MROH7: variants seen among roughly 807,000 people sequenced by gnomAD.
The protein encoded by MROH7 is maestro heat like repeat family member 7.
A neutral mutation model predicts 129.2 loss-of-function variants in MROH7; 113 were observed. The observed-to-expected ratio is 0.87, with a 90% CI of 0.75 to 1.02. The LOEUF (loss-of-function observed/expected upper bound fraction) is 1.02, where lower values mean the gene tolerates loss of function less well. MROH7 is among the 50% of genes least tolerant of loss of function. The probability of loss-of-function intolerance (pLI) is 0.00; values close to 1 mark genes in which losing one functional copy is unlikely to be tolerated. For missense variants in MROH7, 1,601 were observed against 1,671.3 expected (o/e 0.96, Z 0.73); for synonymous variants, 655 against 667.9 (o/e 0.98, Z 0.30).
At chr1:54,671,051 C>A in intron 7 of MROH7, 122 bp downstream of exon 7, 1 of 1,109,024 alleles carries the variant, frequency 9.0e-7, no homozygotes, top group Non-Finnish European at 1.3e-6. Context: ...TTCTGTTGGT[C>A]TGAGTAGGTA....
At chr1:54,671,265 C>G (rs2659484) in intron 7 of MROH7, among the ~76,000 whole-genome samples, 2 of 151,860 alleles carry the variant, frequency 1.3e-5, no homozygotes, top group African/African-American at 2.4e-5. Flanking sequence ...CCGGGCGTGG[C>G]AGCGGGCGCC....
intron 3 of MROH7, among the ~76,000 whole-genome samples, chr1:54,662,853 T>C (rs764250702): frequency 3.3e-5 from 5 of 152,222 alleles, no homozygotes; most frequent in East Asian, 1.9e-4. Flanking sequence ...TTGACTTTCT[T>C]GTCCTTGATA....
Position 54,702,625 on chromosome 1 carries a change from GT to G in MROH7, c.3445del (p.Cys1149ValfsTer2). The G allele has an allele frequency of 6.2e-7, 1 of 1,605,954 alleles. No individual in the cohort carries two copies. Among genetic ancestry groups the G allele is most frequent in the Non-Finnish European group, 8.5e-7 (1 of 1,176,016 alleles). On this transcript the variant is annotated frameshift_variant, in exon 21 of 24. Transcript: ENST00000421030. LOFTEE classifies it high-confidence loss of function. ...QEGNSKVSQK[C>X]VKTLLRCSYF... is the part of the protein sequence containing the mutation. ...ATTTTCTTCCTATTGGTTCCCAGAA[GT>G]GTGTGAAGACCCTGTTACGCTGTTC...
chr1:54,671,290 C>G (rs998883687), intron 7 of MROH7, among the ~76,000 whole-genome samples: 4 of 152,132 alleles, frequency 2.6e-5, no homozygotes, highest in African/African-American at 9.7e-5. Context: ...GGCCCAGCAA[C>G]TCAGGAGGCT....
intron 15 of MROH7, 55 bp from the exon 16 acceptor site, chr1:54,692,369 C>T: frequency 1.9e-6 from 3 of 1,600,852 alleles, no homozygotes; most frequent in South Asian, 1.1e-5. Context: ...TGGAGGGAGG[C>T]TTGGCCTGCT....
At chr1:54,679,553 C>T in intron 12 of MROH7, 114 bp downstream of exon 12, 1 of 1,199,614 alleles carries the variant, frequency 8.3e-7, no homozygotes, top group Non-Finnish European at 1.2e-6. Flanking sequence ...TACCTGAACC[C>T]CCTAAGCCAT....
At chr1:54,647,904 C>CAAAAAA (rs35151019) in intron 1 of MROH7, among the ~76,000 whole-genome samples, 14 of 87,096 alleles carry the variant, frequency 1.6e-4, no homozygotes, top group East Asian at 4.2e-4. Flanking sequence ...GACTCCATCT[C>CAAAAAA]AAAAAAAAAA....
chr1:54,692,504 G>T lies in MROH7; in HGVS notation c.2792G>T (p.Gly931Val). Reference protein sequence around the residue: ...YETTFLEDQGGWELMEQVESH... With the variant: ...YETTFLEDQGVWELMEQVESH... ...ACCACGTTTCTGGAGGACCAGGGTG[G>T]CTGGGAGCTCATGGAGCAGGTGGAG... The change falls in exon 16 of 24, where the codon GGC becomes GTC. Residue 931 changes from glycine (G) to valine (V), a missense_variant. Coordinates refer to ENST00000421030, the MANE Select transcript of MROH7 (RefSeq NM_001039464.4). The T allele has an allele frequency of 1.9e-6, 3 of 1,614,118 alleles. No homozygotes were observed. The highest frequency in any genetic ancestry group is 1.1e-5 in the South Asian group (1 of 91,086).
In MROH7 at chr1:54,703,543, A is replaced by G. The variant is rs1645473134; in HGVS notation, c.3564+798A>G. The stretch of plus-strand genomic sequence containing the variant: ...TGAGGAAATGTGTTCATGGTTCTTC[A>G]TATAATAGTTTCCCAAACTTATTTA... On this transcript the variant is annotated intron_variant, in intron 21 of 23. Coordinates refer to ENST00000421030, the MANE Select transcript of MROH7 (RefSeq NM_001039464.4). This position sits in a 1 kb window ranked among gnomAD's most constrained non-coding sequence, Gnocchi z 4.4. 1.3e-5 allele frequency among the ~76,000 whole-genome samples: 2 copies of G among 151,862 alleles called. No homozygotes were observed. The highest frequency in any genetic ancestry group is 4.2e-4 in the South Asian group (2 of 4,806).
At chr1:54,683,383 G>A (rs988675453) in intron 14 of MROH7, among the ~76,000 whole-genome samples, 1 of 152,162 alleles carries the variant, frequency 6.6e-6, no homozygotes, top group South Asian at 2.1e-4. Flanking sequence ...AACACAGAGC[G>A]AAAGGCAGCT....
intron 1 of MROH7, among the ~76,000 whole-genome samples, chr1:54,649,958 T>G (rs1191427062): frequency 2.6e-5 from 4 of 152,248 alleles, no homozygotes; most frequent in African/African-American, 9.6e-5. Flanking sequence ...CCAAGGCAGA[T>G]GCAAAGCTGT....
chr1:54,643,539 G>A (rs1270167563), intron 1 of MROH7, among the ~76,000 whole-genome samples: 8 of 152,108 alleles, frequency 5.3e-5, no homozygotes, highest in Admixed American at 1.3e-4. Flanking sequence ...CTTCACTCCT[G>A]GCCTGTCCAC....
intron 1 of MROH7, among the ~76,000 whole-genome samples, chr1:54,650,726 AT>A (rs60505412): frequency 0.013 from 1,832 of 137,222 alleles, 18 homozygotes; most frequent in African/African-American, 0.033. Flanking sequence ...CGCCATCCCG[AT>A]TTTTTTTTTT....
chr1:54,704,614 T>C (rs11587352), intron 21 of MROH7, among the ~76,000 whole-genome samples: 1 of 151,014 alleles, frequency 6.6e-6, no homozygotes, highest in African/African-American at 2.4e-5. Context: ...ATTTTTTTTT[T>C]GTATTTATAG....
At chr1:54,667,836 G>A (rs1644836727) in intron 4 of MROH7, among the ~76,000 whole-genome samples, 1 of 152,086 alleles carries the variant, frequency 6.6e-6, no homozygotes, top group Non-Finnish European at 1.5e-5. Flanking sequence ...TGTAGTCCTA[G>A]CTACTCAGAA....
chr1:54,670,659 C>CG, intron 6 of MROH7, 83 bp downstream of exon 6: 23 of 1,337,314 alleles, frequency 1.7e-5, no homozygotes, highest in Non-Finnish European at 2.3e-5. Flanking sequence ...TCGCTGTACC[C>CG]TCCCCCAACC....
Position 54,653,933 on chromosome 1 carries a change from C to T in MROH7, c.1007C>T (p.Thr336Ile), listed in dbSNP as rs760947113. The change falls in exon 3 of 24, where the codon ACT becomes ATT. Residue 336 changes from threonine (T) to isoleucine (I), a missense_variant. Transcript: ENST00000421030. ...CMTLILGSNE[T>I]LSLDSSLLFS... ...ACTCTAATCCTGGGTTCCAATGAGA[C>T]TCTGAGCCTGGACTCCAGCCTCCTG... 22 of 1,614,178 alleles carry T rather than the reference C, an allele frequency of 1.4e-5. No homozygotes were observed. The highest frequency in any genetic ancestry group is 1.6e-4 in the Middle Eastern group (1 of 6,062).
At chr1:54,684,988 C>A (rs936998122) in intron 14 of MROH7, among the ~76,000 whole-genome samples, 3 of 152,048 alleles carry the variant, frequency 2.0e-5, no homozygotes, top group Non-Finnish European at 4.4e-5. Context: ...TCCTCTTGGC[C>A]CAGATGCATG....
chr1:54,679,848 C>G (rs1336374296), intron 12 of MROH7, 43 bp from the exon 13 acceptor site: 3 of 1,583,352 alleles, frequency 1.9e-6, no homozygotes, highest in Non-Finnish European at 1.7e-6. Flanking sequence ...CCGTGCTTCC[C>G]TTGGCAGTCC....
Sources: allele counts gnomAD v4.1 joint callset (sites outside exome capture counted in the v4.1 genomes callset), GRCh38; gene constraint gnomAD v4.1.1; non-coding constraint Gnocchi (gnomAD v3.1); transcripts MANE v1.5; gene names NCBI Gene and HGNC (gene_info 2026-07-23, HGNC 2026-07-21).